RNF121: variants seen among roughly 807,000 people sequenced by gnomAD.
The protein encoded by RNF121 is E3 ubiquitin ligase RNF121.
In RNF121, 21 loss-of-function variants were observed where a neutral mutation model predicts 46.5. The observed-to-expected ratio is 0.45, with a 90% CI of 0.32 to 0.65. The LOEUF is 0.65. Ranked by LOEUF, RNF121 falls within the 30% of genes least tolerant of loss-of-function variation. The pLI is 0.04. For missense variants in RNF121, 346 were observed against 416.0 expected (o/e 0.83, Z 1.46); for synonymous variants, 139 against 144.7 (o/e 0.96, Z 0.28).
At chr11:71,934,129 C>T (rs564234422) in intron 1 of RNF121, among the ~76,000 whole-genome samples, 8 of 103,658 alleles carry the variant, frequency 7.7e-5, no homozygotes, top group East Asian at 2.7e-4. Flanking sequence ...TGGACTATTC[C>T]GATCTACACT....
chr11:71,929,126 T>C lies in RNF121; in HGVS notation c.63+2T>C, dbSNP rs373061842. The C allele has an allele frequency of 1.3e-6, 2 of 1,550,380 alleles. No individual in the cohort carries two copies. Among genetic ancestry groups the C allele is most frequent in the African/African-American group, 2.7e-5 (2 of 72,806 alleles). ...GCTGGGGAACGGGAGCTGGATGAGG[T>C]AAGCGGAGTTGAGAGACGAGGAGAG... is the stretch of plus-strand genomic sequence containing the variant. On this transcript the variant is annotated splice_donor_variant, in intron 1 of 8. Transcript: ENST00000361756. LOFTEE classifies it high-confidence loss of function.
At chr11:71,960,634 C>A (rs1276712614) in intron 2 of RNF121, 116 bp from the exon 3 acceptor site, 3 of 1,227,494 alleles carry the variant, frequency 2.4e-6, no homozygotes, top group Non-Finnish European at 3.4e-6. Context: ...TACCCTGCAG[C>A]TATGAAGCAG....
Position 71,995,416 on chromosome 11 carries a change from G to GCT in RNF121, c.762-30_762-29dup, listed in dbSNP as rs756824488. On this transcript the variant is annotated intron_variant, in intron 7 of 8. Transcript: ENST00000361756. ...TGTCTGGGGCTGGAGTGCCGCCCTG[G>GCT]CTCTCACCATTTCCCTTGACCAGCG... The GCT allele has an allele frequency of 1.8e-5, 27 of 1,534,912 alleles. No homozygotes were observed. The Admixed American group carries it at 2.3e-4, about 13-fold the overall frequency.
intron 8 of RNF121, 59 bp downstream of exon 8, chr11:71,995,610 G>A: frequency 7.2e-7 from 1 of 1,381,074 alleles, no homozygotes; most frequent in Non-Finnish European, 1.0e-6. Context: ...ACTGGCCAGT[G>A]TGACCTGCAT....
At position 71,995,551 on chromosome 11, in the gene RNF121, C is replaced by T; in HGVS notation, c.863C>T (p.Pro288Leu). The T allele has an allele frequency of 1.3e-6, 2 of 1,578,630 alleles. No individual in the cohort carries two copies. Among genetic ancestry groups the T allele is most frequent in the Non-Finnish European group, 1.7e-6 (2 of 1,159,532 alleles). Residue 288 changes from proline (P) to leucine (L), a missense_variant and splice_region_variant, in exon 8 of 9, where the codon CCC becomes CTC. Physicochemically the swap from Pro to Leu is moderately conservative, Grantham distance 98. Transcript: ENST00000361756. ...GACCTCAAGAGGATGTTCAGCAATC[C>T]GTATCCTTTATTGGGGTCGTTGTTG... ...KVDLKRMFSN[P>L]WERPHVMYGQ...
At chr11:71,941,284 T>C (rs901505603) in intron 1 of RNF121, among the ~76,000 whole-genome samples, 2 of 152,238 alleles carry the variant, frequency 1.3e-5, no homozygotes, top group East Asian at 3.8e-4. Context: ...AGTGAGCAGC[T>C]ATAAAAATGT....
chr11:71,950,574 G>T (rs1953850594), intron 1 of RNF121, among the ~76,000 whole-genome samples: 1 of 151,670 alleles, frequency 6.6e-6, no homozygotes, highest in African/African-American at 2.4e-5. Flanking sequence ...ACACGACAGA[G>T]CAAGACTCTG....
At position 71,960,751 on chromosome 11, in the gene RNF121, GT is replaced by G; in HGVS notation, c.104del (p.Val35AlafsTer49). On this transcript the variant is annotated frameshift_variant and splice_region_variant, in exon 3 of 9. Transcript: ENST00000361756. LOFTEE classifies it high-confidence loss of function. The stretch of plus-strand genomic sequence containing the variant: ...TCACCCCATGTGTTTGGCTTTCAGG[GT>G]CGAGCACGCACGCATGCATGCCAAG... ...SDLSPEEQWR[V>X]EHARMHAKHR... 1 of 1,612,890 alleles carries G rather than the reference GT, an allele frequency of 6.2e-7. No homozygotes were observed. The highest frequency in any genetic ancestry group is 8.5e-7 in the Non-Finnish European group (1 of 1,179,182).
chr11:71,958,337 T>G (rs1008360049), intron 2 of RNF121, among the ~76,000 whole-genome samples: 1 of 152,192 alleles, frequency 6.6e-6, no homozygotes, highest in Non-Finnish European at 1.5e-5. Context: ...TGGTTTTGTT[T>G]TGTTTGAATA....
chr11:71,954,648 G>A (rs1953951619), intron 1 of RNF121, among the ~76,000 whole-genome samples: 1 of 152,190 alleles, frequency 6.6e-6, no homozygotes, highest in Admixed American at 6.5e-5. Context: ...ATAGACAGTA[G>A]CATGCTTGGT....
chr11:71,989,271 G>A (rs1954824030), intron 5 of RNF121, among the ~76,000 whole-genome samples: 2 of 152,062 alleles, frequency 1.3e-5, no homozygotes, highest in Non-Finnish European at 2.9e-5. Flanking sequence ...AGTAAGGATG[G>A]GGTTTCACCA....
At chr11:71,968,068 C>CTTT (rs11377249) in intron 3 of RNF121, among the ~76,000 whole-genome samples, 3 of 148,592 alleles carry the variant, frequency 2.0e-5, no homozygotes, top group African/African-American at 7.4e-5. Context: ...TATGAACGAT[C>CTTT]TTTTTTTTTT....
intron 3 of RNF121, among the ~76,000 whole-genome samples, chr11:71,964,200 G>A (rs986658828): frequency 1.1e-4 from 17 of 151,966 alleles, no homozygotes; most frequent in African/African-American, 4.1e-4. Context: ...ATGTTTTGTA[G>A]TTTTCAATGT....
At chr11:71,936,693 C>T (rs1953423906) in intron 1 of RNF121, among the ~76,000 whole-genome samples, 1 of 152,176 alleles carries the variant, frequency 6.6e-6, no homozygotes, top group Non-Finnish European at 1.5e-5. Flanking sequence ...TGCGCCCGGC[C>T]TTTTTCAGGT....
chr11:71,994,105 G>A (rs1009386748), intron 6 of RNF121, among the ~76,000 whole-genome samples: 1 of 152,124 alleles, frequency 6.6e-6, no homozygotes, highest in African/African-American at 2.4e-5. Context: ...CTCCCAAAGT[G>A]CTGGGGTTAC....
intron 1 of RNF121, among the ~76,000 whole-genome samples, chr11:71,950,808 C>A (rs1280225824): frequency 3.9e-5 from 6 of 152,006 alleles, no homozygotes; most frequent in Admixed American, 2.0e-4. Context: ...AGCATCTTAA[C>A]TTTTAATTCT....
intron 3 of RNF121, among the ~76,000 whole-genome samples, chr11:71,975,941 A>T (rs114933962): frequency 0.019 from 2,848 of 152,232 alleles, 99 homozygotes; most frequent in African/African-American, 0.064. Context: ...TGTGGTAAGG[A>T]TTACTATGTG....
rs561778047 is a variant in RNF121, at chr11:71,972,786, A to G, written c.244-9975A>G. On this transcript the variant is annotated intron_variant, in intron 3 of 8. Coordinates refer to ENST00000361756, the MANE Select transcript of RNF121 (RefSeq NM_018320.5). ...CTCTAGGACCTAGAGCAACATGGAT[A>G]TTGCAAGCTATGAGACTGATGATGA... is the stretch of plus-strand genomic sequence containing the variant. 2.6e-5 allele frequency among the ~76,000 whole-genome samples: 4 copies of G among 152,256 alleles called. No individual in the cohort carries two copies. In the East Asian group the frequency reaches 7.7e-4, roughly 29 times the overall value.
At chr11:71,937,928 T>A (rs1953459604) in intron 1 of RNF121, among the ~76,000 whole-genome samples, 1 of 152,230 alleles carries the variant, frequency 6.6e-6, no homozygotes, top group Non-Finnish European at 1.5e-5. Flanking sequence ...GAGAAAAATC[T>A]GTAGGTAAAA....
Sources: allele counts gnomAD v4.1 joint callset (sites outside exome capture counted in the v4.1 genomes callset), GRCh38; gene constraint gnomAD v4.1.1; transcripts MANE v1.5; gene names NCBI Gene and HGNC (gene_info 2026-07-23, HGNC 2026-07-21).